ADAMTS10: variants seen among roughly 807,000 people sequenced by gnomAD.
ADAMTS10 encodes ADAM metallopeptidase with thrombospondin type 1 motif 10.
In ADAMTS10, 48 loss-of-function variants were observed where a neutral mutation model predicts 135.9. The ratio of observed to expected loss-of-function variants is 0.35; its 90% CI spans 0.28 to 0.45. ADAMTS10 has a LOEUF of 0.45. ADAMTS10 is among the 20% of genes least tolerant of loss of function. ADAMTS10 has a pLI of 1.00. For synonymous variants in ADAMTS10, 621 were observed against 647.5 expected (o/e 0.96, Z 0.62); for missense variants, 1,131 against 1,565.2 (o/e 0.72, Z 4.68).
intron 18 of ADAMTS10, among the ~76,000 whole-genome samples, chr19:8,588,820 C>G (rs1360236787): frequency 6.6e-6 from 1 of 151,854 alleles, no homozygotes; most frequent in Non-Finnish European, 1.5e-5. Context: ...GAGACAGAGC[C>G]TCGCTCTGTC....
At chr19:8,599,384 G>A (rs879953281) in intron 6 of ADAMTS10, among the ~76,000 whole-genome samples, 1 of 151,824 alleles carries the variant, frequency 6.6e-6, no homozygotes, top group Non-Finnish European at 1.5e-5. Context: ...AGGCTGGAGT[G>A]CAATGGTGCG....
chr19:8,592,828 A>G lies in ADAMTS10; in HGVS notation c.1522T>C (p.Cys508Arg). 6.2e-7 allele frequency: 1 copy of G among 1,613,030 alleles called. No individual in the cohort carries two copies. Among genetic ancestry groups the G allele is most frequent in the Non-Finnish European group, 8.5e-7 (1 of 1,179,870 alleles). The change falls in exon 13 of 26, where the codon TGC becomes CGC. Residue 508 changes from cysteine (C) to arginine (R), a missense_variant. By Grantham distance (180) the Cys-to-Arg change is radical. Transcript: ENST00000597188. ...GCGGCCGGGATGCTGTTGGTGATGC[A>G]CCGGTTGCTCTTGCTCAGACACCAC... ...ELWCLSKSNRCITNSIPAAEG... is the reference protein window; with the variant it reads ...ELWCLSKSNRRITNSIPAAEG...
Position 8,601,859 on chromosome 19 carries a change from C to A in ADAMTS10, c.593-714G>T, listed in dbSNP as rs2042672794. On this transcript the variant is annotated intron_variant, in intron 5 of 25. Coordinates refer to ENST00000597188, the MANE Select transcript of ADAMTS10 (RefSeq NM_030957.4). The surrounding 1 kb of genome is among the most constrained non-coding windows in gnomAD (Gnocchi z 4.6). ...CCTGTTTGCCAACCTGTTCAGCTACCAGCCTGCCCCGCTGCCCAAATGTCC... is the reference window on the plus strand; with the variant it reads ...CCTGTTTGCCAACCTGTTCAGCTACAAGCCTGCCCCGCTGCCCAAATGTCC... 6.6e-6 allele frequency among the ~76,000 whole-genome samples: 1 copy of A among 152,158 alleles called. No individual in the cohort carries two copies. The highest frequency in any genetic ancestry group is 1.5e-5 in the Non-Finnish European group (1 of 68,028).
At position 8,603,837 on chromosome 19, in the gene ADAMTS10, C is replaced by T. The variant is rs150055188; in HGVS notation, c.483G>A (p.Leu161=). Residue 161 remains leucine (L), a synonymous_variant, in exon 5 of 26, where the codon CTG becomes CTA. Transcript: ENST00000597188. The stretch of plus-strand genomic sequence containing the variant: ...TCCGAGAACCCTTGGGCCCACCGTG[C>T]AGGGGCTCAATCAGGTACTCTTCCT... The part of the protein sequence containing the change: ...ADEEEYLIEP[L]HGGPKGSRSP... 6.7e-4 allele frequency: 1,076 copies of T among 1,614,068 alleles called. No individual in the cohort carries two copies. The highest frequency in any genetic ancestry group is 7.1e-4 in the Non-Finnish European group (833 of 1,179,998).
Position 8,580,879 on chromosome 19 carries a change from G to T in ADAMTS10, c.*14C>A. On this transcript the variant is annotated 3_prime_UTR_variant, in exon 26 of 26. Transcript: ENST00000597188. The stretch of plus-strand genomic sequence containing the variant: ...GAGACCCCGCCAGCTGTGGCTCCGG[G>T]TGCCGCGCGCCCCCTAGTGGCCATG... 3.1e-6 allele frequency: 5 copies of T among 1,587,496 alleles called. No homozygotes were observed. Among genetic ancestry groups the T allele is most frequent in the Non-Finnish European group, 4.3e-6 (5 of 1,165,794 alleles).
chr19:8,595,982 C>G, intron 11 of ADAMTS10, 79 bp from the exon 12 acceptor site: 2 of 1,613,880 alleles, frequency 1.2e-6, no homozygotes, highest in Non-Finnish European at 1.7e-6. Context: ...ATGGGGGTCC[C>G]AGGGAGCATC....
chr19:8,600,688 T>C lies in ADAMTS10; in HGVS notation c.810+240A>G, dbSNP rs112145561. 0.015 allele frequency among the ~76,000 whole-genome samples: 2,204 copies of C among 151,916 alleles called. 38 individuals carry two copies. The highest frequency in any genetic ancestry group is 0.04 in the African/African-American group (1,666 of 41,450). On this transcript the variant is annotated intron_variant, in intron 6 of 25. Coordinates refer to ENST00000597188, the MANE Select transcript of ADAMTS10 (RefSeq NM_030957.4). Reference sequence around the variant, plus strand: ...TAATTTTTTGTATTTTTAGTAGAGATGGGGTTTCACCGTGTTAGCCAGGAT... The same window carrying C: ...TAATTTTTTGTATTTTTAGTAGAGACGGGGTTTCACCGTGTTAGCCAGGAT...
intron 25 of ADAMTS10, among the ~76,000 whole-genome samples, chr19:8,584,264 T>C (rs948548103): frequency 6.6e-6 from 1 of 152,098 alleles, no homozygotes; most frequent in Non-Finnish European, 1.5e-5. Flanking sequence ...TGATCGATTT[T>C]GACCCCCAGG....
intron 12 of ADAMTS10, among the ~76,000 whole-genome samples, chr19:8,594,352 C>T (rs2042579110): frequency 6.6e-6 from 1 of 152,140 alleles, no homozygotes; most frequent in Non-Finnish European, 1.5e-5. Context: ...TGCACCAATG[C>T]CATTATGGGG....
Position 8,585,654 on chromosome 19 carries a change from A to C in ADAMTS10, c.2667T>G (p.Val889=). The C allele has an allele frequency of 1.2e-6, 2 of 1,612,334 alleles. No homozygotes were observed. Among genetic ancestry groups the C allele is most frequent in the Non-Finnish European group, 1.7e-6 (2 of 1,179,624 alleles). Residue 889 remains valine, a synonymous_variant, in exon 23 of 26, where the codon GTT becomes GTG. Coordinates refer to ENST00000597188, the MANE Select transcript of ADAMTS10 (RefSeq NM_030957.4). ...CNTEPCPPDW[V]VGNWSLCSRS... is the part of the protein sequence containing the mutation. ...GGCTGCAGAGCGACCAGTTCCCTAC[A>C]ACCCAGCTGTAAGAGATGAAGGGGT...
chr19:8,593,372 G>C (rs2042566540), intron 12 of ADAMTS10: 1 of 165,748 alleles, frequency 6.0e-6, no homozygotes, highest in Non-Finnish European at 1.3e-5. Context: ...CTGAGAAATC[G>C]GCCTGGATGA....
chr19:8,590,707 G>A (rs1266085516), intron 15 of ADAMTS10, among the ~76,000 whole-genome samples: 3 of 152,134 alleles, frequency 2.0e-5, no homozygotes, highest in Non-Finnish European at 4.4e-5. Context: ...TGATTGACCC[G>A]CCTCGGCCTC....
chr19:8,595,677 A>T, intron 12 of ADAMTS10, 85 bp downstream of exon 12: 1 of 1,352,228 alleles, frequency 7.4e-7, no homozygotes. Context: ...CTCACTTCCC[A>T]GGTGGGTGCC....
chr19:8,596,916 T>C lies in ADAMTS10; in HGVS notation c.1040+71A>G. 1 of 1,598,816 alleles carries C rather than the reference T, an allele frequency of 6.3e-7. No individual in the cohort carries two copies. Among genetic ancestry groups the C allele is most frequent in the Non-Finnish European group, 8.5e-7 (1 of 1,176,892 alleles). On this transcript the variant is annotated intron_variant, in intron 8 of 25. Coordinates refer to ENST00000597188, the MANE Select transcript of ADAMTS10 (RefSeq NM_030957.4). The surrounding 1 kb of genome is among the most constrained non-coding windows in gnomAD (Gnocchi z 7.2). The stretch of plus-strand genomic sequence containing the variant: ...CTGACCCTAGCAGAAGTGATCTCTG[T>C]TTGGACTCTCATGGTTCCCTGGACC...
At position 8,601,486 on chromosome 19, in the gene ADAMTS10, C is replaced by T. The variant is rs1312229933; in HGVS notation, c.593-341G>A. Among the ~76,000 whole-genome samples the T allele has an allele frequency of 5.9e-5, 9 of 151,906 alleles. No homozygotes were observed. The highest frequency in any genetic ancestry group is 8.8e-5 in the Non-Finnish European group (6 of 67,952). On this transcript the variant is annotated intron_variant, in intron 5 of 25. Coordinates refer to ENST00000597188, the MANE Select transcript of ADAMTS10 (RefSeq NM_030957.4). This position sits in a 1 kb window ranked among gnomAD's most constrained non-coding sequence, Gnocchi z 4.6. ...AAGCGATTCTCCTGCCTCAGCCTCC[C>T]GAGTAGCTGGGATGACAGGCATGTG...
At chr19:8,607,961 C>T (rs1555742849) in intron 2 of ADAMTS10, among the ~76,000 whole-genome samples, 173 bp downstream of exon 2, 1 of 151,844 alleles carries the variant, frequency 6.6e-6, no homozygotes, top group African/African-American at 2.4e-5. Flanking sequence ...CAGGTGTGCG[C>T]CACCATGCCC....
chr19:8,586,113 G>A lies in ADAMTS10; in HGVS notation c.2660+9C>T. 6.2e-7 allele frequency: 1 copy of A among 1,612,754 alleles called. No individual in the cohort carries two copies. The highest frequency in any genetic ancestry group is 2.2e-5 in the East Asian group (1 of 44,880). On this transcript the variant is annotated intron_variant, in intron 22 of 25. Coordinates refer to ENST00000597188, the MANE Select transcript of ADAMTS10 (RefSeq NM_030957.4). The stretch of plus-strand genomic sequence containing the variant: ...ACCCTGAGCAACACTGCCCCCTGGC[G>A]GCACTCACTCTGGAGGGCAAGGCTC...
Position 8,601,179 on chromosome 19 carries a change from C to A in ADAMTS10, c.593-34G>T. 1.2e-6 allele frequency: 2 copies of A among 1,607,502 alleles called. No homozygotes were observed. Among genetic ancestry groups the A allele is most frequent in the South Asian group, 1.1e-5 (1 of 90,718 alleles). On this transcript the variant is annotated intron_variant, in intron 5 of 25. Transcript: ENST00000597188. The surrounding 1 kb of genome is among the most constrained non-coding windows in gnomAD (Gnocchi z 4.6). ...CCCAGTAGAGCAATTAAGCCCTGCC[C>A]TGCTGGTGGGACGCAGAGCTGCCTG...
intron 18 of ADAMTS10, 133 bp downstream of exon 18, chr19:8,589,109 G>T: frequency 6.8e-7 from 1 of 1,461,956 alleles, no homozygotes; most frequent in Non-Finnish European, 9.2e-7. Flanking sequence ...CAGGACTTTT[G>T]GGGACTCCTG....
Sources: gnomAD v4.1 joint callset for allele counts (sites outside exome capture counted in the v4.1 genomes callset) on GRCh38, gnomAD v4.1.1 for gene constraint, Gnocchi (gnomAD v3.1) non-coding constraint, MANE v1.5 for transcripts, NCBI Gene and HGNC (gene_info 2026-07-23, HGNC 2026-07-21) for gene names.